The following PKN2 variants were observed in gnomAD, a reference collection of about 807,000 sequenced individuals.
PKN2 encodes serine/threonine-protein kinase N2.
PKN2 carries 38 observed loss-of-function variants against 119.1 expected under a neutral mutation model. That is an observed-to-expected ratio of 0.32 (90% confidence interval 0.25 to 0.42). The LOEUF (loss-of-function observed/expected upper bound fraction) is 0.42, where lower values mean the gene tolerates loss of function less well. Among genes scored for constraint, PKN2 ranks in the 10% least tolerant of loss-of-function variants. The pLI, the probability that PKN2 is intolerant of heterozygous loss-of-function variation, is 1.00. For synonymous variants in PKN2, 390 were observed against 384.9 expected, an observed-to-expected ratio of 1.01 and a Z score of -0.15; for missense variants, 850 against 1,165.1, an observed-to-expected ratio of 0.73 and a Z score of 3.94.
chr1:88,824,271 A>AT (rs561435037), intron 17 of PKN2, 39 bp from the exon 18 acceptor site: 28,521 of 822,622 alleles, frequency 0.035, 3 homozygotes, highest in South Asian at 0.045. Context: ...GATTTCTTTG[A>AT]TTTTTTTTTT....
At chr1:88,701,145 T>C (rs1220182730) in intron 1 of PKN2, among the ~76,000 whole-genome samples, 1 of 152,172 alleles carries the variant, frequency 6.6e-6, no homozygotes, top group East Asian at 1.9e-4. Flanking sequence ...ACTTAATCGT[T>C]AAAACAACTC....
intron 18 of PKN2, 31 bp from the exon 19 acceptor site, chr1:88,828,450 C>T: frequency 6.5e-7 from 1 of 1,539,502 alleles, no homozygotes; most frequent in Non-Finnish European, 8.8e-7. Flanking sequence ...GTTTTCTTTG[C>T]TAACAAATGT....
intron 1 of PKN2, among the ~76,000 whole-genome samples, chr1:88,688,107 A>T (rs1264901787): frequency 1.3e-5 from 2 of 150,076 alleles, no homozygotes; most frequent in Non-Finnish European, 3.0e-5. Flanking sequence ...TTTTCTGGAG[A>T]CGGAGTCTCG....
At chr1:88,817,615 A>C (rs1046656441) in intron 16 of PKN2, among the ~76,000 whole-genome samples, 1 of 151,876 alleles carries the variant, frequency 6.6e-6, no homozygotes, top group East Asian at 1.9e-4. Context: ...GGCAGGAGGC[A>C]GGAGAATCGC....
At chr1:88,696,769 C>A (rs1666558180) in intron 1 of PKN2, among the ~76,000 whole-genome samples, 1 of 152,052 alleles carries the variant, frequency 6.6e-6, no homozygotes, top group Non-Finnish European at 1.5e-5. Context: ...TCTAGGGATT[C>A]TCCTGCTTAA....
At chr1:88,781,339 C>G (rs1358576882) in intron 6 of PKN2, among the ~76,000 whole-genome samples, 1 of 151,740 alleles carries the variant, frequency 6.6e-6, no homozygotes, top group Non-Finnish European at 1.5e-5. Flanking sequence ...GAGAAATTTA[C>G]TAGTTTTTTA....
At position 88,711,924 on chromosome 1, in the gene PKN2, T is replaced by C. The variant is rs548264436; in HGVS notation, c.48+27296T>C. ...TATACTTAGTATGTGTATGTGAGTG[T>C]ATGTATACATGTATATATATTGAAC... On this transcript the variant is annotated intron_variant, in intron 1 of 21. Transcript: ENST00000370521. 2.3e-3 allele frequency among the ~76,000 whole-genome samples: 347 copies of C among 152,276 alleles called. 2 individuals are homozygous for C. Among genetic ancestry groups the C allele is most frequent in the Non-Finnish European group, 3.9e-3 (268 of 67,982 alleles).
At chr1:88,818,363 T>G (rs1672100595) in intron 16 of PKN2, among the ~76,000 whole-genome samples, 2 of 152,142 alleles carry the variant, frequency 1.3e-5, no homozygotes, top group African/African-American at 4.8e-5. Flanking sequence ...AAAAACTGCT[T>G]TAGGCTGGGT....
intron 8 of PKN2, among the ~76,000 whole-genome samples, chr1:88,804,072 A>C (rs973511997): frequency 6.6e-6 from 1 of 152,168 alleles, no homozygotes; most frequent in African/African-American, 2.4e-5. Context: ...GAAAGATTGA[A>C]GCTCTAAGAG....
rs34581277 is a variant in PKN2, at chr1:88,718,123, G to A, written c.49-22865G>A. 2.5e-3 allele frequency among the ~76,000 whole-genome samples: 376 copies of A among 152,266 alleles called. 2 individuals are homozygous for A. The highest frequency in any genetic ancestry group is 8.8e-3 in the African/African-American group (364 of 41,556). ...CCCTGTTTGCCTGGGTATCACCATCGGAGGCTGCAGAACAGCAAATATTGC... is the reference window on the plus strand; with the variant it reads ...CCCTGTTTGCCTGGGTATCACCATCAGAGGCTGCAGAACAGCAAATATTGC... On this transcript the variant is annotated intron_variant, in intron 1 of 21. Transcript: ENST00000370521.
intron 1 of PKN2, among the ~76,000 whole-genome samples, chr1:88,694,621 G>A (rs1020252036): frequency 6.6e-6 from 1 of 152,104 alleles, no homozygotes; most frequent in Non-Finnish European, 1.5e-5. Flanking sequence ...AACTCCTTTG[G>A]TTAAATACCA....
chr1:88,734,544 T>C (rs565200370), intron 1 of PKN2, among the ~76,000 whole-genome samples: 18 of 152,334 alleles, frequency 1.2e-4, no homozygotes, highest in East Asian at 5.8e-4. Flanking sequence ...TTCTGTTCCA[T>C]TGATTTGTGT....
At chr1:88,735,813 A>G (rs751747059) in intron 1 of PKN2, among the ~76,000 whole-genome samples, 6 of 151,818 alleles carry the variant, frequency 4.0e-5, no homozygotes, top group African/African-American at 7.3e-5. Flanking sequence ...GGGTACACTT[A>G]TTTGGGCTGT....
At chr1:88,706,204 A>G (rs577331748) in intron 1 of PKN2, among the ~76,000 whole-genome samples, 2 of 152,252 alleles carry the variant, frequency 1.3e-5, no homozygotes, top group African/African-American at 4.8e-5. Context: ...TGGGTCTTTT[A>G]CATCTTTTGT....
intron 6 of PKN2, among the ~76,000 whole-genome samples, chr1:88,777,201 A>G (rs1425490602): frequency 6.6e-6 from 1 of 151,610 alleles, no homozygotes; most frequent in East Asian, 1.9e-4. Flanking sequence ...TCTCTAGCAA[A>G]TTTTTTCATT....
Position 88,801,285 on chromosome 1 carries a change from T to C in PKN2, c.1282-3106T>C, listed in dbSNP as rs1961405. Reference sequence around the variant, plus strand: ...CTGTAATCTCAGCTACTCAGGAGGCTGAGGCAGGAGAATCACTTGAACCTG... The same window carrying C: ...CTGTAATCTCAGCTACTCAGGAGGCCGAGGCAGGAGAATCACTTGAACCTG... On this transcript the variant is annotated intron_variant, in intron 8 of 21. Coordinates refer to ENST00000370521, the MANE Select transcript of PKN2 (RefSeq NM_006256.4). Among the ~76,000 whole-genome samples the C allele has an allele frequency of 1.7e-3, 253 of 152,292 alleles. 4 individuals carry two copies. Among genetic ancestry groups the C allele is most frequent in the Admixed American group, 0.016 (246 of 15,300 alleles).
At chr1:88,791,327 C>A (rs1376447160) in intron 8 of PKN2, among the ~76,000 whole-genome samples, 1 of 151,728 alleles carries the variant, frequency 6.6e-6, no homozygotes, top group Non-Finnish European at 1.5e-5. Flanking sequence ...TCCCAGCTAA[C>A]CTAGGAGGCT....
At position 88,836,194 on chromosome 1, in the gene PKN2, G is replaced by C. The variant is rs1215040443; in HGVS notation, c.*2746G>C. 2 of 152,032 alleles carry C rather than the reference G, an allele frequency of 1.3e-5. No individual in the cohort carries two copies. The highest frequency in any genetic ancestry group is 4.8e-5 in the African/African-American group (2 of 41,404). 9.4% of individuals were successfully genotyped at this position (152,032 alleles called of 1,614,324 possible). A position where few individuals can be genotyped will look rare whatever the true frequency, so the allele number is the denominator to read the frequency against. On this transcript the variant is annotated 3_prime_UTR_variant, in exon 22 of 22. Coordinates refer to ENST00000370521, the MANE Select transcript of PKN2 (RefSeq NM_006256.4). ...TGTACTTTTCTCTTGTTTGAGGTTA[G>C]CTTATTTTAATTTAGGACCTGGCTT...
intron 8 of PKN2, 151 bp downstream of exon 8, chr1:88,786,364 G>T: frequency 1.9e-6 from 1 of 539,794 alleles, no homozygotes; most frequent in Non-Finnish European, 3.3e-6. Flanking sequence ...AATGAGTTAT[G>T]CATAAATCTA....
Sources: allele counts gnomAD v4.1 joint callset (sites outside exome capture counted in the v4.1 genomes callset), GRCh38; gene constraint gnomAD v4.1.1; transcripts MANE v1.5; gene names NCBI Gene and HGNC (gene_info 2026-07-23, HGNC 2026-07-21).